Variants in MBIP observed in about 807,000 individuals in gnomAD.
The protein encoded by MBIP is MAP3K12 binding inhibitory protein 1.
MBIP carries 32 observed loss-of-function variants against 45.7 expected under a neutral mutation model. That is an observed-to-expected ratio of 0.70 (90% CI 0.53 to 0.94). The LOEUF (loss-of-function observed/expected upper bound fraction) is 0.94, where lower values mean the gene tolerates loss of function less well. Ranked by LOEUF, MBIP falls within the 40% of genes least tolerant of loss-of-function variation. The probability of loss-of-function intolerance (pLI) is 0.00; values close to 1 mark genes in which losing one functional copy is unlikely to be tolerated. For missense variants in MBIP, 381 were observed against 405.5 expected (o/e 0.94, Z 0.52); for synonymous variants, 145 against 141.0 (o/e 1.03, Z -0.20).
At chr14:36,308,056 C>A (rs371075341) in intron 7 of MBIP, 36 bp downstream of exon 7, 4 of 1,123,794 alleles carry the variant, frequency 3.6e-6, no homozygotes, top group Non-Finnish European at 5.3e-6. Flanking sequence ...AATACAATAA[C>A]ATTTTCATTT....
intron 4 of MBIP, chr14:36,313,164 C>T (rs1880315303): frequency 6.7e-6 from 1 of 148,708 alleles, no homozygotes; most frequent in African/African-American, 2.5e-5. Flanking sequence ...TTTGGAGGCA[C>T]CTCAAAATAT....
intron 7 of MBIP, among the ~76,000 whole-genome samples, chr14:36,307,187 C>T (rs917933104): frequency 1.3e-5 from 2 of 152,122 alleles, no homozygotes; most frequent in African/African-American, 4.8e-5. Context: ...CGTGACCTGC[C>T]TTCTTCTTCT....
intron 1 of MBIP, among the ~76,000 whole-genome samples, chr14:36,318,361 T>G (rs1210566208): frequency 2.0e-4 from 30 of 151,994 alleles, no homozygotes; most frequent in Admixed American, 2.0e-3. Context: ...CAAGTGCAAT[T>G]AAGAATAATT....
intron 6 of MBIP, among the ~76,000 whole-genome samples, chr14:36,309,911 T>C (rs779144174): frequency 3.3e-5 from 5 of 152,172 alleles, no homozygotes; most frequent in Admixed American, 6.5e-5. Flanking sequence ...ACTGGGATTA[T>C]AGGCACACAC....
rs1880212374 is a variant in MBIP, at chr14:36,311,620, A to G, written c.743T>C (p.Val248Ala). The change falls in exon 6 of 9, where the codon GTA becomes GCA. Residue 248 changes from valine to alanine, a missense_variant. Coordinates refer to ENST00000416007, the MANE Select transcript of MBIP (RefSeq NM_016586.3). ...SMLRDCGNQA[V>A]EERLQNIEAH... ...CTCAATATTTTGTAGTCGTTCTTCT[A>G]CAGCCTGATTACCACAGTCTCGAAG... 2 of 1,613,426 alleles carry G rather than the reference A, an allele frequency of 1.2e-6. No individual in the cohort carries two copies. Among genetic ancestry groups the G allele is most frequent in the African/African-American group, 2.7e-5 (2 of 74,904 alleles).
At chr14:36,300,748 C>T (rs201248127) in intron 8 of MBIP, 37 bp downstream of exon 8, 34 of 1,474,966 alleles carry the variant, frequency 2.3e-5, no homozygotes, top group Non-Finnish European at 3.0e-5. Flanking sequence ...ACTAATCAAA[C>T]TATTTCAGAA....
In MBIP at chr14:36,314,691, T is replaced by A. The variant is rs1272879020; in HGVS notation, c.474A>T (p.Glu158Asp). 1.9e-6 allele frequency: 3 copies of A among 1,612,530 alleles called. No homozygotes were observed. Among genetic ancestry groups the A allele is most frequent in the Admixed American group, 3.3e-5 (2 of 59,864 alleles). Residue 158 changes from glutamate to aspartate, a missense_variant and splice_region_variant, in exon 3 of 9, where the codon GAA becomes GAT. Transcript: ENST00000416007. ...CGCCCCCGCCAAAAAACCTTCTTAC[T>A]TCTGCTTTTCCAGCCTTTATCTGAA... Reference protein sequence around the residue: ...EVVQIKAGKAEIDRRISAFIE... With the variant: ...EVVQIKAGKADIDRRISAFIE...
In MBIP at chr14:36,314,543, C is replaced by G. The variant is rs1258867709; in HGVS notation, c.540G>C (p.Arg180Ser). The G allele has an allele frequency of 6.2e-7, 1 of 1,609,788 alleles. No homozygotes were observed. The highest frequency in any genetic ancestry group is 8.5e-7 in the Non-Finnish European group (1 of 1,178,518). Reference protein sequence around the residue: ...KQAEINENNVREFCNVIDCNQ... With the variant: ...KQAEINENNVSEFCNVIDCNQ... ...TACAATCAATAACATTGCAAAATTC[C>G]CTGACGTTGTTTTCATTGATTTCAG... The change falls in exon 4 of 9, where the codon AGG becomes AGC. Residue 180 changes from arginine (R) to serine (S), a missense_variant. Transcript: ENST00000416007.
rs1461421599 is a variant in MBIP, at chr14:36,311,613, T to C, written c.750A>G (p.Glu250=). Residue 250 remains glutamate, a synonymous_variant, in exon 6 of 9, where the codon GAA becomes GAG. Transcript: ENST00000416007. ...AGTGGGCCTCAATATTTTGTAGTCG[T>C]TCTTCTACAGCCTGATTACCACAGT... ...LRDCGNQAVE[E]RLQNIEAHLR... 3.1e-6 allele frequency: 5 copies of C among 1,613,260 alleles called. No homozygotes were observed. The highest frequency in any genetic ancestry group is 1.3e-5 in the African/African-American group (1 of 74,892).
chr14:36,316,610 G>C, intron 2 of MBIP, 83 bp downstream of exon 2: 1 of 1,266,108 alleles, frequency 7.9e-7, no homozygotes. Context: ...ATAGTGTTTA[G>C]AACTGTCAAA....
At chr14:36,309,575 T>C (rs764716304) in intron 6 of MBIP, among the ~76,000 whole-genome samples, 3 of 152,308 alleles carry the variant, frequency 2.0e-5, no homozygotes, top group Middle Eastern at 3.4e-3. Context: ...TATGTAAAAA[T>C]TCTAGAAATT....
At chr14:36,299,281 A>G in intron 8 of MBIP, 91 bp from the exon 9 acceptor site, 1 of 818,658 alleles carries the variant, frequency 1.2e-6, no homozygotes, top group Non-Finnish European at 2.0e-6. Context: ...TATTTAAAAT[A>G]TTCAAAAGCA....
chr14:36,306,313 G>A (rs1223599819), intron 7 of MBIP, among the ~76,000 whole-genome samples: 2 of 151,978 alleles, frequency 1.3e-5, no homozygotes, highest in East Asian at 3.9e-4. Context: ...GGAGTGCAAT[G>A]GCGTGATCTT....
intron 2 of MBIP, 51 bp downstream of exon 2, chr14:36,316,642 A>T (rs749872543): frequency 6.5e-7 from 1 of 1,536,172 alleles, no homozygotes; most frequent in Non-Finnish European, 8.9e-7. Flanking sequence ...ACTTAACCAC[A>T]ATCAATTTCT....
Position 36,314,557 on chromosome 14 carries a change from C to T in MBIP, c.526G>A (p.Glu176Lys). The change falls in exon 4 of 9, where the codon GAA (glutamate) becomes AAA (lysine). Residue 176 changes from glutamate (E) to lysine (K), a missense_variant. Transcript: ENST00000416007. ...FIERKQAEIN[E>K]NNVREFCNVI... ...TTGCAAAATTCCCTGACGTTGTTTT[C>T]ATTGATTTCAGCTTGCTTTCTTTCA... 6.2e-7 allele frequency: 1 copy of T among 1,610,798 alleles called. No individual in the cohort carries two copies. Among genetic ancestry groups the T allele is most frequent in the Non-Finnish European group, 8.5e-7 (1 of 1,178,856 alleles).
intron 5 of MBIP, 31 bp from the exon 6 acceptor site, chr14:36,311,756 ATT>A: frequency 1.3e-6 from 2 of 1,540,686 alleles, no homozygotes; most frequent in East Asian, 4.5e-5. Context: ...GCCTATATAC[ATT>A]TGTATTTCAA....
intron 2 of MBIP, among the ~76,000 whole-genome samples, chr14:36,316,446 T>A (rs1880571522): frequency 6.6e-6 from 1 of 152,154 alleles, no homozygotes; most frequent in South Asian, 2.1e-4. Context: ...GAATTTTCAG[T>A]GCAGGTCTAG....
intron 6 of MBIP, among the ~76,000 whole-genome samples, chr14:36,309,573 A>G (rs1053830465): frequency 3.3e-5 from 5 of 152,190 alleles, no homozygotes; most frequent in Admixed American, 3.3e-4. Flanking sequence ...GTTATGTAAA[A>G]ATTCTAGAAA....
intron 4 of MBIP, among the ~76,000 whole-genome samples, chr14:36,312,698 A>G (rs904547902): frequency 3.3e-5 from 5 of 152,146 alleles, no homozygotes; most frequent in African/African-American, 9.7e-5. Flanking sequence ...CAAATTAAGT[A>G]TCAATGCATA....
Sources: allele counts gnomAD v4.1 joint callset (sites outside exome capture counted in the v4.1 genomes callset), GRCh38; gene constraint gnomAD v4.1.1; transcripts MANE v1.5; gene names NCBI Gene and HGNC (gene_info 2026-07-23, HGNC 2026-07-21).